RGS5: variants seen among roughly 807,000 people sequenced by gnomAD.
RGS5 encodes the protein regulator of G-protein signalling 5.
RGS5 carries 20 observed loss-of-function variants against 18.9 expected under a neutral mutation model. That is an observed-to-expected ratio of 1.06 (90% CI 0.74 to 1.54). The LOEUF (loss-of-function observed/expected upper bound fraction) is 1.54, where lower values mean the gene tolerates loss of function less well. RGS5 is among the 40% of genes most tolerant of loss of function. The probability of loss-of-function intolerance (pLI) is 0.00; values close to 1 mark genes in which losing one functional copy is unlikely to be tolerated. For missense variants in RGS5, 201 were observed against 211.8 expected, an observed-to-expected ratio of 0.95 and a Z score of 0.32; for synonymous variants, 57 against 76.2, an observed-to-expected ratio of 0.75 and a Z score of 1.31.
rs114316305 is a variant in RGS5, at chr1:163,174,123, G to A, written c.45-5755C>T. Among the ~76,000 whole-genome samples, 1,158 of 152,096 alleles carry A rather than the reference G, an allele frequency of 7.6e-3. 18 individuals are homozygous for A. Among genetic ancestry groups the A allele is most frequent in the African/African-American group, 0.026 (1,070 of 41,496 alleles). On this transcript the variant is annotated intron_variant, in intron 1 of 4. Coordinates refer to ENST00000313961, the MANE Select transcript of RGS5 (RefSeq NM_003617.4). ...AACAAACATAGACTGTAACCTCAAG[G>A]AGCCCTAACTTCCCAATGTGCAATG...
intron 3 of RGS5, among the ~76,000 whole-genome samples, chr1:163,157,056 A>T (rs2102388235): frequency 6.6e-6 from 1 of 152,326 alleles, no homozygotes; most frequent in East Asian, 1.9e-4. Context: ...CAAAGATAGA[A>T]ACAAAAAGAT....
At chr1:163,156,912 G>C (rs1657604205) in intron 3 of RGS5, among the ~76,000 whole-genome samples, 1 of 152,122 alleles carries the variant, frequency 6.6e-6, no homozygotes, top group South Asian at 2.1e-4. Context: ...TGAGTAATAA[G>C]TGTTAGCTAT....
In RGS5 at chr1:163,243,967, T is replaced by C. The variant is rs183585893; in HGVS notation, c.-281+62266A>G. On this transcript the variant is annotated intron_variant, in intron 2 of 5. Transcript: ENST00000618415. Reference sequence around the variant, plus strand: ...TTTGCTTAAGATAATTAAACTCTAATATAAAATGGAGTTAAAATGTTTACT... The same window carrying C: ...TTTGCTTAAGATAATTAAACTCTAACATAAAATGGAGTTAAAATGTTTACT... 2.6e-5 allele frequency among the ~76,000 whole-genome samples: 4 copies of C among 152,290 alleles called. No individual in the cohort carries two copies. In the East Asian group the frequency reaches 7.7e-4, roughly 29 times the overall value.
At chr1:163,275,329 G>A (rs1346385097) in intron 2 of RGS5, among the ~76,000 whole-genome samples, 1 of 152,112 alleles carries the variant, frequency 6.6e-6, no homozygotes, top group Non-Finnish European at 1.5e-5. Flanking sequence ...TTTAGCTCAT[G>A]TCCAAGATTT....
intron 3 of RGS5, among the ~76,000 whole-genome samples, chr1:163,160,428 G>C (rs1657755326): frequency 1.3e-5 from 2 of 152,112 alleles, no homozygotes; most frequent in African/African-American, 4.8e-5. Flanking sequence ...CTAGGTCCAA[G>C]AAGCAAAATG....
At chr1:163,206,439 A>T (rs1028719675), upstream of RGS5, among the ~76,000 whole-genome samples, 1 of 152,134 alleles carries the variant, frequency 6.6e-6, no homozygotes, top group Non-Finnish European at 1.5e-5. Flanking sequence ...CATCACACTT[A>T]GTACCTGTTA....
At chr1:163,317,320 C>A (rs955211527) in intron 1 of RGS5, among the ~76,000 whole-genome samples, 1 of 152,156 alleles carries the variant, frequency 6.6e-6, no homozygotes, top group African/African-American at 2.4e-5. Flanking sequence ...TACATGACAG[C>A]AAATAGGGTA....
At chr1:163,158,730 C>T (rs985612604) in intron 3 of RGS5, among the ~76,000 whole-genome samples, 2 of 152,092 alleles carry the variant, frequency 1.3e-5, no homozygotes, top group South Asian at 4.1e-4. Flanking sequence ...ACCACAGGAC[C>T]GGGGTGAAAT....
chr1:163,293,923 T>C (rs544342697), intron 2 of RGS5, among the ~76,000 whole-genome samples: 1 of 152,184 alleles, frequency 6.6e-6, no homozygotes, highest in African/African-American at 2.4e-5. Flanking sequence ...TAATCTCCTT[T>C]GGCTCCATGT....
At chr1:163,249,047 A>T (rs1164421783) in intron 2 of RGS5, among the ~76,000 whole-genome samples, 1 of 152,160 alleles carries the variant, frequency 6.6e-6, no homozygotes. Flanking sequence ...CTACAAGAGA[A>T]ATGTGCTCAT....
At chr1:163,171,086 A>G (rs957233246) in intron 1 of RGS5, among the ~76,000 whole-genome samples, 1 of 152,106 alleles carries the variant, frequency 6.6e-6, no homozygotes, top group Non-Finnish European at 1.5e-5. Flanking sequence ...CCCACCGCCC[A>G]TGTTCCCTAG....
Position 163,152,639 on chromosome 1 carries a change from C to T in RGS5, c.295G>A (p.Asp99Asn), listed in dbSNP as rs771316827. The T allele has an allele frequency of 6.2e-7, 1 of 1,612,984 alleles. No homozygotes were observed. ...ENLEFWIACEDYKKIKSPAKM... is the reference protein window; with the variant it reads ...ENLEFWIACENYKKIKSPAKM... ...GCAGGGGACTTGATCTTCTTGTAAT[C>T]CTCACAGGCAATCCAGAACTCAAGG... Residue 99 changes from aspartate (D) to asparagine (N), a missense_variant, in exon 4 of 5, where the codon GAT (aspartate) becomes AAT (asparagine). Coordinates refer to ENST00000313961, the MANE Select transcript of RGS5 (RefSeq NM_003617.4).
chr1:163,235,324 A>G (rs1014359540), intron 2 of RGS5, among the ~76,000 whole-genome samples: 2 of 152,222 alleles, frequency 1.3e-5, no homozygotes, highest in Admixed American at 1.3e-4. Context: ...AACAAAAATG[A>G]CATCATCTCC....
At chr1:163,189,736 G>T (rs1659262781) in intron 1 of RGS5, among the ~76,000 whole-genome samples, 1 of 152,296 alleles carries the variant, frequency 6.6e-6, no homozygotes, top group South Asian at 2.1e-4. Flanking sequence ...AGGGGTCAGG[G>T]TCTCTGGGCT....
chr1:163,184,208 TAC>T (rs1293255072), intron 1 of RGS5, among the ~76,000 whole-genome samples: 1 of 151,942 alleles, frequency 6.6e-6, no homozygotes, highest in African/African-American at 2.4e-5. Flanking sequence ...TTAGGCTGAG[TAC>T]ACTTTTCTAG....
In RGS5 at chr1:163,318,390, A is replaced by G. The variant is rs903806565; in HGVS notation, c.-378+3232T>C. Among the ~76,000 whole-genome samples the G allele has an allele frequency of 2.6e-5, 4 of 152,188 alleles. No homozygotes were observed. The South Asian group carries it at 8.3e-4, about 31-fold the overall frequency. ...CTGGTCATTCTGGCTGCTACTTACA[A>G]GATGGATTTGGCGGTGTAGGTGGGG... is the stretch of plus-strand genomic sequence containing the variant. On this transcript the variant is annotated intron_variant, in intron 1 of 5. Coordinates refer to the RGS5 transcript ENST00000618415.
At chr1:163,170,392 A>T (rs957176284) in intron 1 of RGS5, among the ~76,000 whole-genome samples, 4 of 152,212 alleles carry the variant, frequency 2.6e-5, no homozygotes, top group Non-Finnish European at 4.4e-5. Context: ...CAAATCTGCT[A>T]ACATTTACCT....
At chr1:163,301,672 C>T (rs1436242236) in intron 2 of RGS5, among the ~76,000 whole-genome samples, 1 of 152,172 alleles carries the variant, frequency 6.6e-6, no homozygotes, top group Non-Finnish European at 1.5e-5. Context: ...GAGCCTATTA[C>T]TGCTCAATTC....
intron 2 of RGS5, among the ~76,000 whole-genome samples, chr1:163,277,794 T>C (rs1648894772): frequency 6.6e-6 from 1 of 151,972 alleles, no homozygotes; most frequent in Non-Finnish European, 1.5e-5. Flanking sequence ...CAATTCATGA[T>C]CCAAATGAGA....
Sources: allele counts gnomAD v4.1 joint callset (sites outside exome capture counted in the v4.1 genomes callset), GRCh38; gene constraint gnomAD v4.1.1; transcripts MANE v1.5; gene names NCBI Gene and HGNC (gene_info 2026-07-23, HGNC 2026-07-21).